The following CCDC157 variants were observed in gnomAD, a reference collection of about 807,000 sequenced individuals.
CCDC157 encodes the protein coiled-coil domain-containing protein 157.
Under a neutral mutation model 70.9 loss-of-function variants are expected in CCDC157, and 60 were observed. The ratio of observed to expected loss-of-function variants is 0.85; its 90% CI spans 0.69 to 1.05. The LOEUF is 1.05. Among genes scored for constraint, CCDC157 ranks in the 50% least tolerant of loss-of-function variants. The pLI, the probability that CCDC157 is intolerant of heterozygous loss-of-function variation, is 0.00. For synonymous variants in CCDC157, 373 were observed against 422.4 expected (o/e 0.88, Z 1.43); for missense variants, 943 against 984.2 (o/e 0.96, Z 0.56).
chr22:30,369,401 G>A, intron 3 of CCDC157, 31 bp from the exon 4 acceptor site: 1 of 1,469,390 alleles, frequency 6.8e-7, no homozygotes, highest in Non-Finnish European at 9.1e-7. Context: ...CACCAGCCTG[G>A]GCCCCAGCAA....
At chr22:30,369,747 A>G (rs543850839) in intron 4 of CCDC157, 144 bp downstream of exon 4, 24 of 625,304 alleles carry the variant, frequency 3.8e-5, no homozygotes, top group Non-Finnish European at 5.1e-5. Context: ...CGCCCTCCCA[A>G]TCAAGCCCCA....
Position 30,370,529 on chromosome 22 carries a change from T to C in CCDC157, c.624T>C (p.Ser208=), listed in dbSNP as rs950402613. 2 of 1,613,650 alleles carry C rather than the reference T, an allele frequency of 1.2e-6. No homozygotes were observed. The highest frequency in any genetic ancestry group is 1.3e-5 in the African/African-American group (1 of 74,824). ...FPATTFKNTR[S]VHSQTIETAL... is the part of the protein sequence containing the mutation. Reference sequence around the variant, plus strand: ...CCACGACCTTCAAGAACACCAGGAGTGTCCACTCCCAGACCATTGAGACGG... The same window carrying C: ...CCACGACCTTCAAGAACACCAGGAGCGTCCACTCCCAGACCATTGAGACGG... The change falls in exon 5 of 12, where the codon AGT becomes AGC. Residue 208 remains serine (S), a synonymous_variant. Transcript: ENST00000338306.
intron 9 of CCDC157, chr22:30,374,316 C>G (rs1300403973): frequency 1.6e-6 from 1 of 645,040 alleles, no homozygotes. Flanking sequence ...AGTGATGTGA[C>G]TGCCTCTAGT....
At chr22:30,375,345 G>A (rs576149466) in intron 9 of CCDC157, 134 bp from the exon 10 acceptor site, 2 of 761,838 alleles carry the variant, frequency 2.6e-6, no homozygotes, top group African/African-American at 1.8e-5. Flanking sequence ...GGGGGACAGG[G>A]AAGGGGGAAT....
rs749559164 is a variant in CCDC157, at chr22:30,371,732, G to A, written c.1123+5G>A. 1 of 1,612,722 alleles carries A rather than the reference G, an allele frequency of 6.2e-7. No individual in the cohort carries two copies. The highest frequency in any genetic ancestry group is 8.5e-7 in the Non-Finnish European group (1 of 1,178,754). On this transcript the variant is annotated splice_donor_5th_base_variant and intron_variant, in intron 6 of 11. Transcript: ENST00000338306. ...GGGAGTCCACACAGGCTGTGGGTAAGGAGCCCCATCATAGGCCCCCATGCC... is the reference window on the plus strand; with the variant it reads ...GGGAGTCCACACAGGCTGTGGGTAAAGAGCCCCATCATAGGCCCCCATGCC...
rs1302230343 is a variant in CCDC157 at position 30,370,679 on chromosome 22, G to A, written c.774G>A (p.Val258=). ...PSSLGQFQQL[V]QDSMGLRPLP... is the part of the protein sequence containing the mutation. ...CCTTAGGCCAGTTCCAGCAACTGGTGCAGGACAGCATGGGGCTCAGGCCAC... is the reference window on the plus strand; with the variant it reads ...CCTTAGGCCAGTTCCAGCAACTGGTACAGGACAGCATGGGGCTCAGGCCAC... Residue 258 remains valine, a synonymous_variant, in exon 5 of 12, where the codon GTG becomes GTA. Coordinates refer to ENST00000338306, the MANE Select transcript of CCDC157 (RefSeq NM_001017437.5). 2 of 1,613,714 alleles carry A rather than the reference G, an allele frequency of 1.2e-6. No individual in the cohort carries two copies. Among genetic ancestry groups the A allele is most frequent in the African/African-American group, 1.3e-5 (1 of 75,072 alleles).
Position 30,369,596 on chromosome 22 carries a change from TC to T in CCDC157, c.418del (p.Gln140ArgfsTer27). ...CTGGGCACGCTCCACCAGCAGCCACTCCCCCAGGTGGGTCCCAGCCTCTGTC... is the reference window on the plus strand; with the variant it reads ...CTGGGCACGCTCCACCAGCAGCCACTCCCCAGGTGGGTCCCAGCCTCTGTC... ...LRLGTLHQQP[L>X]PQKGANQRET... On this transcript the variant is annotated frameshift_variant, in exon 4 of 12. Coordinates refer to ENST00000338306, the MANE Select transcript of CCDC157 (RefSeq NM_001017437.5). LOFTEE classifies it high-confidence loss of function. 1.3e-6 allele frequency: 2 copies of T among 1,553,646 alleles called. No homozygotes were observed. Among genetic ancestry groups the T allele is most frequent in the Non-Finnish European group, 1.7e-6 (2 of 1,153,038 alleles).
chr22:30,371,511 C>T, intron 5 of CCDC157, 139 bp from the exon 6 acceptor site: 2 of 698,948 alleles, frequency 2.9e-6, no homozygotes, highest in East Asian at 2.7e-5. Context: ...CCACCAGCCT[C>T]CCTAGAGCTC....
intron 7 of CCDC157, 197 bp from the exon 8 acceptor site, chr22:30,373,400 C>T (rs960156796): frequency 1.8e-5 from 11 of 603,808 alleles, no homozygotes; most frequent in East Asian, 1.4e-4. Context: ...TGACCAGGTC[C>T]GGTGTGCATC....
At chr22:30,356,951 C>G, upstream of CCDC157, 1 of 579,358 alleles carries the variant, frequency 1.7e-6, no homozygotes, top group Non-Finnish European at 2.6e-6. Flanking sequence ...CGGGACCGTC[C>G]CCTCGCCGTG....
At chr22:30,363,087 A>G (rs936572105) in intron 2 of CCDC157, among the ~76,000 whole-genome samples, 3 of 152,204 alleles carry the variant, frequency 2.0e-5, no homozygotes, top group African/African-American at 4.8e-5. Flanking sequence ...CAGCATCCGC[A>G]TAGCTGCCTG....
Position 30,366,075 on chromosome 22 carries a change from C to CGT in CCDC157, c.76_77dup (p.Asp27Ter). The CGT allele has an allele frequency of 3.7e-6, 6 of 1,610,024 alleles. No individual in the cohort carries two copies. The highest frequency in any genetic ancestry group is 5.1e-6 in the Non-Finnish European group (6 of 1,179,878). On this transcript the variant is annotated frameshift_variant, in exon 3 of 12. Coordinates refer to ENST00000338306, the MANE Select transcript of CCDC157 (RefSeq NM_001017437.5). LOFTEE classifies it high-confidence loss of function. ...ACCTCACCGACCTGCAGGGTGCCATCGTAGACGTCTTCTCCCGCGCCGGGC... is the reference window on the plus strand; with the variant it reads ...ACCTCACCGACCTGCAGGGTGCCATCGTGTAGACGTCTTCTCCCGCGCCGGGC...
chr22:30,374,484 C>A (rs550531491), intron 9 of CCDC157: 6 of 468,516 alleles, frequency 1.3e-5, no homozygotes, highest in South Asian at 6.2e-5. Flanking sequence ...AAGGACACAG[C>A]CTCCAGCTGC....
intron 1 of CCDC157, among the ~76,000 whole-genome samples, chr22:30,357,993 C>G (rs958692616): frequency 1.3e-5 from 2 of 152,166 alleles, no homozygotes; most frequent in Non-Finnish European, 2.9e-5. Flanking sequence ...CTCACTCTCA[C>G]AGATGCAGCC....
intron 1 of CCDC157, among the ~76,000 whole-genome samples, chr22:30,360,471 C>G (rs2145856643): frequency 1.3e-5 from 2 of 151,908 alleles, no homozygotes; most frequent in East Asian, 3.9e-4. Context: ...CGCCACTGCC[C>G]TCCAGCCTGA....
chr22:30,358,419 T>C (rs957241473), intron 1 of CCDC157, among the ~76,000 whole-genome samples: 7 of 152,216 alleles, frequency 4.6e-5, no homozygotes, highest in Admixed American at 4.6e-4. Flanking sequence ...GCCAGTCTTA[T>C]TCCTCTACTA....
rs1192075817 is a variant in CCDC157 at position 30,366,262 on chromosome 22, C to G, written c.248+14C>G. ...GGTCATCGACAGGTGAGGGCCTTGA[C>G]CAAGCCTGGTCATCTCAGGATGCCA... On this transcript the variant is annotated intron_variant, in intron 3 of 11. Transcript: ENST00000338306. The G allele has an allele frequency of 3.1e-6, 5 of 1,613,134 alleles. No homozygotes were observed. Among genetic ancestry groups the G allele is most frequent in the Non-Finnish European group, 4.2e-6 (5 of 1,179,364 alleles).
intron 1 of CCDC157, among the ~76,000 whole-genome samples, chr22:30,361,139 T>C (rs1405329850): frequency 6.6e-6 from 1 of 151,032 alleles, no homozygotes; most frequent in Non-Finnish European, 1.5e-5. Context: ...TCCCAGCTAC[T>C]CAGGAGGCTG....
chr22:30,371,420 GGAC>G, intron 5 of CCDC157: 1 of 566,706 alleles, frequency 1.8e-6, no homozygotes, highest in East Asian at 2.9e-5. Flanking sequence ...TTGCCTCCAT[GGAC>G]GACACCAAGG....
Sources: gnomAD v4.1 joint callset for allele counts (sites outside exome capture counted in the v4.1 genomes callset) on GRCh38, gnomAD v4.1.1 for gene constraint, MANE v1.5 for transcripts, NCBI Gene and HGNC (gene_info 2026-07-23, HGNC 2026-07-21) for gene names.